The following BRD8 variants were observed in gnomAD, a reference collection of about 807,000 sequenced individuals.
BRD8 encodes the protein bromodomain-containing protein 8.
BRD8 carries 67 observed loss-of-function variants against 143.1 expected under a neutral mutation model. That is an observed-to-expected ratio of 0.47 (90% CI 0.38 to 0.57). The LOEUF (loss-of-function observed/expected upper bound fraction) is 0.57. Among genes scored for constraint, BRD8 ranks in the 20% least tolerant of loss-of-function variants. The probability of loss-of-function intolerance (pLI) is 0.00; values close to 1 mark genes in which losing one functional copy is unlikely to be tolerated. For synonymous variants in BRD8, 505 were observed against 517.1 expected, an observed-to-expected ratio of 0.98 and a Z score of 0.32; for missense variants, 1,103 against 1,503.0, an observed-to-expected ratio of 0.73 and a Z score of 4.40.
rs768835725 is a variant in BRD8 at position 138,168,021 on chromosome 5, G to T, written c.700C>A (p.Leu234Met). 4 of 1,613,068 alleles carry T rather than the reference G, an allele frequency of 2.5e-6. No homozygotes were observed. The highest frequency in any genetic ancestry group is 3.4e-6 in the Non-Finnish European group (4 of 1,179,156). ...ATGGGAAGGACCCCGCCTACCTCCA[G>T]GAGGACACCTGTACTGTTCAGGTGG... ...SGHLNSTGVLLEVGGVLPMIH... is the reference protein window; with the variant it reads ...SGHLNSTGVLMEVGGVLPMIH... The change falls in exon 9 of 27, where the codon CTG (leucine) becomes ATG (methionine). Residue 234 changes from leucine to methionine, a missense_variant. By Grantham distance (15) the Leu-to-Met change is conservative (BLOSUM62 2). This residue lies in a region of BRD8 where 334 missense variants were observed against 372.5 expected (regional missense o/e 0.90). Coordinates refer to ENST00000254900, the MANE Select transcript of BRD8 (RefSeq NM_139199.2).
At chr5:138,175,419 AAAT>A (rs964674382) in intron 2 of BRD8, among the ~76,000 whole-genome samples, 43 of 152,154 alleles carry the variant, frequency 2.8e-4, no homozygotes, top group African/African-American at 1.0e-3. Context: ...GAGAAAGGTA[AAAT>A]GATGATAGTT....
intron 2 of BRD8, among the ~76,000 whole-genome samples, chr5:138,175,042 G>A (rs1581464456): frequency 1.3e-5 from 2 of 151,946 alleles, no homozygotes; most frequent in African/African-American, 4.8e-5. Flanking sequence ...GGCGCACGCC[G>A]CCACACCTGA....
chr5:138,168,492 A>G (rs772165422), intron 8 of BRD8: 2 of 1,604,876 alleles, frequency 1.2e-6, no homozygotes, highest in Non-Finnish European at 1.7e-6. Flanking sequence ...AGTAGGCAGG[A>G]GGCTGCCCTT....
Position 138,171,364 on chromosome 5 carries a change from G to T in BRD8, c.233C>A (p.Pro78Gln). Residue 78 changes from proline (P) to glutamine (Q), a missense_variant, in exon 4 of 27, where the codon CCA becomes CAA. This residue lies in a region of BRD8 where 69 missense variants were observed against 121.6 expected (regional missense o/e 0.57). Transcript: ENST00000254900. ...YSELLETTETPKRKRGEKGEV... is the reference protein window; with the variant it reads ...YSELLETTETQKRKRGEKGEV... Reference sequence around the variant, plus strand: ...AAGTACCTGGCTTTGTACTCACTTTGGTGTCTCAGTGGTCTCTAAAAGCTC... The same window carrying T: ...AAGTACCTGGCTTTGTACTCACTTTTGTGTCTCAGTGGTCTCTAAAAGCTC... 6.2e-7 allele frequency: 1 copy of T among 1,601,734 alleles called. No homozygotes were observed. Among genetic ancestry groups the T allele is most frequent in the Non-Finnish European group, 8.5e-7 (1 of 1,175,388 alleles).
At chr5:138,177,445 A>G (rs1754441833) in intron 2 of BRD8, 126 bp downstream of exon 2, 1 of 604,106 alleles carries the variant, frequency 1.7e-6, no homozygotes, top group African/African-American at 1.9e-5. Context: ...TCAGTCTCAA[A>G]AAAAGAAGAA....
chr5:138,168,240 A>G (rs1753601390), intron 8 of BRD8, among the ~76,000 whole-genome samples, 162 bp from the exon 9 acceptor site: 1 of 152,224 alleles, frequency 6.6e-6, no homozygotes, highest in Non-Finnish European at 1.5e-5. Context: ...AATGTTCAAA[A>G]CTTATTTGAC....
chr5:138,170,220 TG>T, intron 7 of BRD8, 124 bp downstream of exon 7: 2 of 729,514 alleles, frequency 2.7e-6, no homozygotes, highest in Non-Finnish European at 2.4e-6. Flanking sequence ...GTTTTTATTC[TG>T]GTAGAAGAGA....
chr5:138,155,784 C>T (rs940853678), intron 20 of BRD8, among the ~76,000 whole-genome samples: 14 of 152,084 alleles, frequency 9.2e-5, no homozygotes, highest in Non-Finnish European at 2.1e-4. Flanking sequence ...GTCTTGGCCT[C>T]GCAAAGTGCT....
intron 2 of BRD8, among the ~76,000 whole-genome samples, chr5:138,174,726 TC>T (rs1479615009): frequency 6.6e-6 from 1 of 151,720 alleles, no homozygotes; most frequent in Non-Finnish European, 1.5e-5. Context: ...TAGCTGAAGG[TC>T]AAGCAGCCAC....
intron 11 of BRD8, 83 bp from the exon 12 acceptor site, chr5:138,165,249 T>C: frequency 7.0e-7 from 1 of 1,419,302 alleles, no homozygotes; most frequent in Non-Finnish European, 9.5e-7. Flanking sequence ...ATGTGATGGC[T>C]TGAATCTGCA....
Position 138,177,670 on chromosome 5 carries a change from G to T in BRD8, c.20-3C>A. The T allele has an allele frequency of 6.8e-7, 1 of 1,474,294 alleles. No homozygotes were observed. The allele number at this position is 1,474,294 out of a possible 1,614,324, so 91.3% of individuals were successfully genotyped here. Reference sequence around the variant, plus strand: ...GCCAGTGCTTAGCAGCTTGTGTTCTGGGAAAGGGAGAAAAAAAAAAAAGCC... The same window carrying T: ...GCCAGTGCTTAGCAGCTTGTGTTCTTGGAAAGGGAGAAAAAAAAAAAAGCC... On this transcript the variant is annotated splice_polypyrimidine_tract_variant and splice_region_variant and intron_variant, in intron 1 of 26. Coordinates refer to ENST00000254900, the MANE Select transcript of BRD8 (RefSeq NM_139199.2).
rs755930123 is a variant in BRD8 at position 138,169,268 on chromosome 5, G to C, written c.596C>G (p.Pro199Arg). 1.2e-5 allele frequency: 19 copies of C among 1,614,004 alleles called. No individual in the cohort carries two copies. The highest frequency in any genetic ancestry group is 1.6e-5 in the Non-Finnish European group (19 of 1,180,020). The change falls in exon 8 of 27, where the codon CCA becomes CGA. Residue 199 changes from proline (P) to arginine (R), a missense_variant. Physicochemically the swap from Pro to Arg is moderately radical, Grantham distance 103. Around this residue, in one of 7 missense-constraint regions of BRD8, gnomAD observed 334 missense variants for 372.5 expected, o/e 0.90. Transcript: ENST00000254900. ...AGTGGTTGGAGTCAAGTCCCCAAGT[G>C]GATAATCACCTCCTGGGGAGGCAGA... is the stretch of plus-strand genomic sequence containing the variant. ...IDSASPGGDY[P>R]LGDLTPTTME...
rs779453782 is a variant in BRD8 at position 138,170,916 on chromosome 5, T to C, written c.360-4A>G. 10 of 1,613,908 alleles carry C rather than the reference T, an allele frequency of 6.2e-6. No homozygotes were observed. In the Admixed American group the frequency reaches 8.3e-5, roughly 13 times the overall value. On this transcript the variant is annotated splice_polypyrimidine_tract_variant and splice_region_variant and intron_variant, in intron 5 of 26. Coordinates refer to ENST00000254900, the MANE Select transcript of BRD8 (RefSeq NM_139199.2). ...TTCTGCATCTCTCTTTAGCCGTCTA[T>C]AGGAAGAAAGAGAGGTAGGTAGACT...
Position 138,178,555 on chromosome 5 carries a change from T to G in BRD8, c.19+41A>C, listed in dbSNP as rs367956159. 7 of 1,592,894 alleles carry G rather than the reference T, an allele frequency of 4.4e-6. No individual in the cohort carries two copies. The African/African-American group carries it at 9.4e-5, about 21-fold the overall frequency. On this transcript the variant is annotated intron_variant, in intron 1 of 26. Coordinates refer to ENST00000254900, the MANE Select transcript of BRD8 (RefSeq NM_139199.2). ...CAAAAATATGGTGCCTAGCCTCGGA[T>G]CTACAAAGGCCTTTCACGCAAAACC...
In BRD8 at chr5:138,161,019, G is replaced by A; in HGVS notation, c.2299C>T (p.Arg767Ter). The A allele has an allele frequency of 1.2e-6, 2 of 1,613,572 alleles. No homozygotes were observed. Among genetic ancestry groups the A allele is most frequent in the Non-Finnish European group, 8.5e-7 (1 of 1,179,800 alleles). ...TCACGCTGAAATTCAGCTGTGCTTC[G>A]GATCAGTCCATTTTCTATGTTTTTC... Reference protein sequence around the residue: ...IKKNIENGLIRSTAEFQRDIM... With the variant: ...IKKNIENGLI Residue 767 changes from arginine to a stop codon, truncating the protein, a stop_gained, in exon 18 of 27, where the codon CGA (arginine) becomes TGA (stop). Coordinates refer to ENST00000254900, the MANE Select transcript of BRD8 (RefSeq NM_139199.2). LOFTEE classifies it high-confidence loss of function.
intron 23 of BRD8, among the ~76,000 whole-genome samples, chr5:138,148,619 T>C (rs1047586640): frequency 4.6e-5 from 7 of 152,112 alleles, no homozygotes; most frequent in Non-Finnish European, 8.8e-5. Flanking sequence ...TCCTCCTGCC[T>C]CTGCCTCCCA....
chr5:138,164,458 C>A (rs758429408), intron 12 of BRD8, 45 bp from the exon 13 acceptor site: 1 of 1,545,440 alleles, frequency 6.5e-7, no homozygotes, highest in African/African-American at 1.4e-5. Flanking sequence ...TGATAAATCG[C>A]TATAGCTCAC....
chr5:138,174,895 T>TTG lies in BRD8; in HGVS notation c.116+2675_116+2676insCA, dbSNP rs1490843361. On this transcript the variant is annotated intron_variant, in intron 2 of 26. Transcript: ENST00000254900. ...TGACAAAAAATAAACTCAAGTTTTT[T>TTG]TTTTTTTTTTTTGAGATGGCGTCTT... Among the ~76,000 whole-genome samples the TTG allele has an allele frequency of 2.0e-3, 297 of 151,662 alleles. 2 individuals are homozygous for TTG. The highest frequency in any genetic ancestry group is 6.7e-3 in the African/African-American group (278 of 41,402).
At chr5:138,160,811 C>A (rs1752947609) in intron 18 of BRD8, 80 bp downstream of exon 18, 2 of 1,344,408 alleles carry the variant, frequency 1.5e-6, no homozygotes, top group East Asian at 2.5e-5. Flanking sequence ...CACAGCAACC[C>A]TTCTTGGCAT....
Sources: allele counts gnomAD v4.1 joint callset (sites outside exome capture counted in the v4.1 genomes callset), GRCh38; gene constraint gnomAD v4.1.1; regional missense constraint gnomAD v4.1.1; transcripts MANE v1.5; gene names NCBI Gene and HGNC (gene_info 2026-07-23, HGNC 2026-07-21).